The following SGCZ variants were observed in gnomAD, a reference collection of about 807,000 sequenced individuals.
SGCZ encodes sarcoglycan zeta.
A neutral mutation model predicts 41.3 loss-of-function variants in SGCZ; 40 were observed. The ratio of observed to expected loss-of-function variants is 0.97; its 90% CI spans 0.75 to 1.26. The LOEUF is 1.26. Ranked by LOEUF, SGCZ falls within the 50% of genes most tolerant of loss-of-function variation. SGCZ has a pLI of 0.00. For missense variants in SGCZ, 552 were observed against 369.8 expected, an observed-to-expected ratio of 1.49 and a Z score of -4.04; for synonymous variants, 206 against 137.5, an observed-to-expected ratio of 1.50 and a Z score of -3.49.
intron 2 of SGCZ, among the ~76,000 whole-genome samples, chr8:14,452,970 G>A (rs1800637478): frequency 6.6e-6 from 1 of 151,946 alleles, no homozygotes; most frequent in Non-Finnish European, 1.5e-5. Context: ...GGGTGTGATA[G>A]CACACACCTG....
At chr8:14,563,521 T>G (rs1032835980) in intron 1 of SGCZ, among the ~76,000 whole-genome samples, 12 of 152,214 alleles carry the variant, frequency 7.9e-5, no homozygotes, top group African/African-American at 2.7e-4. Context: ...ATGCCTTGTT[T>G]TATTTTCTGT....
chr8:14,177,868 T>C (rs1354751759), intron 4 of SGCZ, among the ~76,000 whole-genome samples: 1 of 151,468 alleles, frequency 6.6e-6, no homozygotes. Context: ...GTTTTTAAAC[T>C]ACTGGTCTTG....
At chr8:15,015,463 G>A (rs1261302919) in intron 1 of SGCZ, among the ~76,000 whole-genome samples, 1 of 152,018 alleles carries the variant, frequency 6.6e-6, no homozygotes, top group Non-Finnish European at 1.5e-5. Context: ...ACTTTGGGAG[G>A]CCAAGGCGGG....
intron 2 of SGCZ, among the ~76,000 whole-genome samples, chr8:14,472,789 A>G (rs892853530): frequency 1.3e-5 from 2 of 152,154 alleles, no homozygotes; most frequent in Non-Finnish European, 2.9e-5. Flanking sequence ...TTAAAAACTA[A>G]TATTGTACCT....
intron 2 of SGCZ, among the ~76,000 whole-genome samples, chr8:14,449,396 C>T (rs1017249136): frequency 3.9e-5 from 6 of 152,112 alleles, no homozygotes; most frequent in African/African-American, 1.2e-4. Context: ...AGACCTGGAT[C>T]ATTTGTGTCC....
At chr8:15,180,420 T>C (rs17609949) in intron 1 of SGCZ, among the ~76,000 whole-genome samples, 30,699 of 152,162 alleles carry the variant, frequency 0.2, 3,700 homozygotes, top group East Asian at 0.46. Context: ...ATTTTAGGGC[T>C]CAGTAACATG....
intron 1 of SGCZ, among the ~76,000 whole-genome samples, chr8:15,009,041 G>A (rs1356689796): frequency 6.6e-6 from 1 of 152,054 alleles, no homozygotes; most frequent in African/African-American, 2.4e-5. Context: ...TGTCCCTCCT[G>A]TAAATGAAAT....
intron 2 of SGCZ, among the ~76,000 whole-genome samples, chr8:14,386,299 T>A (rs1357225997): frequency 2.3e-5 from 3 of 132,926 alleles, no homozygotes; most frequent in Admixed American, 1.4e-4. Context: ...GACTGCATCA[T>A]GGTAAAAAAA....
intron 1 of SGCZ, among the ~76,000 whole-genome samples, chr8:15,032,433 C>G (rs1392518641): frequency 1.3e-5 from 2 of 152,092 alleles, no homozygotes; most frequent in African/African-American, 4.8e-5. Context: ...GAAGAGAGAG[C>G]CACACTTTGC....
At chr8:15,140,002 G>T (rs928200003) in intron 1 of SGCZ, among the ~76,000 whole-genome samples, 5 of 151,916 alleles carry the variant, frequency 3.3e-5, no homozygotes, top group African/African-American at 9.7e-5. Context: ...GGGTTGGGGG[G>T]ACGGACACTG....
intron 2 of SGCZ, among the ~76,000 whole-genome samples, chr8:14,467,646 T>C (rs1585554857): frequency 6.6e-6 from 1 of 152,006 alleles, no homozygotes; most frequent in Admixed American, 6.6e-5. Flanking sequence ...ACATCAGAAT[T>C]CCAAAGTAGT....
intron 1 of SGCZ, among the ~76,000 whole-genome samples, chr8:14,996,053 G>T (rs568679645): frequency 6.6e-6 from 1 of 151,950 alleles, no homozygotes; most frequent in East Asian, 2.0e-4. Flanking sequence ...ACAGGCGCCC[G>T]CCACCACGCC....
intron 4 of SGCZ, among the ~76,000 whole-genome samples, chr8:14,198,623 T>A (rs1805354863): frequency 6.6e-6 from 1 of 152,096 alleles, no homozygotes; most frequent in South Asian, 2.1e-4. Flanking sequence ...AAAAAAGAAC[T>A]GATCTTTTTA....
At chr8:14,745,598 T>G (rs916761985) in intron 1 of SGCZ, among the ~76,000 whole-genome samples, 1 of 151,970 alleles carries the variant, frequency 6.6e-6, no homozygotes, top group African/African-American at 2.4e-5. Flanking sequence ...ACATAATATA[T>G]GTAGACATAT....
chr8:14,517,254 C>T (rs1281139025), intron 2 of SGCZ, among the ~76,000 whole-genome samples: 1 of 152,138 alleles, frequency 6.6e-6, no homozygotes, highest in South Asian at 2.1e-4. Context: ...ATCATAAGAA[C>T]ATCTTTGACT....
At chr8:14,297,769 G>C (rs1004633387) in intron 3 of SGCZ, among the ~76,000 whole-genome samples, 5 of 151,944 alleles carry the variant, frequency 3.3e-5, no homozygotes, top group Non-Finnish European at 7.4e-5. Flanking sequence ...AGCTCAGTTG[G>C]TAATTTAAAA....
At chr8:14,489,015 T>C (rs940636167) in intron 2 of SGCZ, among the ~76,000 whole-genome samples, 1 of 145,628 alleles carries the variant, frequency 6.9e-6, no homozygotes, top group Non-Finnish European at 1.5e-5. Context: ...ATATATATAA[T>C]ATAAAGATAA....
In SGCZ at chr8:14,471,069, A is replaced by G. The variant is rs536431999; in HGVS notation, c.234+83663T>C. ...TGGAAAAAAACACATTCTCAGCCAGACACTTTAATTACATCTAATTAATGT... is the reference window on the plus strand; with the variant it reads ...TGGAAAAAAACACATTCTCAGCCAGGCACTTTAATTACATCTAATTAATGT... On this transcript the variant is annotated intron_variant, in intron 2 of 7. Transcript: ENST00000382080. Among the ~76,000 whole-genome samples, 5 of 152,260 alleles carry G rather than the reference A, an allele frequency of 3.3e-5. No individual in the cohort carries two copies. In the South Asian group the frequency reaches 1.0e-3, roughly 32 times the overall value.
chr8:15,106,795 T>C (rs891908948), intron 1 of SGCZ, among the ~76,000 whole-genome samples: 10 of 152,268 alleles, frequency 6.6e-5, no homozygotes, highest in Non-Finnish European at 1.3e-4. Flanking sequence ...ATAGTACTCA[T>C]CATTCTTGTT....
Sources: allele counts gnomAD v4.1 joint callset (sites outside exome capture counted in the v4.1 genomes callset), GRCh38; gene constraint gnomAD v4.1.1; transcripts MANE v1.5; gene names NCBI Gene and HGNC (gene_info 2026-07-23, HGNC 2026-07-21).